The following RAD51D variants were observed in gnomAD, a reference collection of about 807,000 sequenced individuals.
RAD51D encodes DNA repair protein RAD51 homolog 4.
RAD51D carries 38 observed loss-of-function variants against 44.1 expected under a neutral mutation model. That is an observed-to-expected ratio of 0.86 (90% CI 0.67 to 1.13). The LOEUF (loss-of-function observed/expected upper bound fraction) is 1.13, where lower values mean the gene tolerates loss of function less well. RAD51D is among the 50% of genes most tolerant of loss of function. The pLI is 0.00. For synonymous variants in RAD51D, 141 were observed against 166.6 expected (o/e 0.85, Z 1.18); for missense variants, 390 against 414.0 (o/e 0.94, Z 0.50).
chr17:35,116,794 T>A (rs1043584511), intron 3 of RAD51D: 6 of 1,314,760 alleles, frequency 4.6e-6, no homozygotes, highest in African/African-American at 1.5e-5. Context: ...GCGCCCGGCC[T>A]AGAATGATGA....
In RAD51D at chr17:35,103,178, G is replaced by A; in HGVS notation, c.738+76C>T. On this transcript the variant is annotated intron_variant, in intron 8 of 9. Coordinates refer to ENST00000345365, the MANE Select transcript of RAD51D (RefSeq NM_002878.4). This position sits in a 1 kb window ranked among gnomAD's most constrained non-coding sequence, Gnocchi z 4.1. ...TCCTAAAGGGCCACTTTGGGGTTCA[G>A]AAGCTGACATTTAAGGGAAATAAAG... 1 of 1,456,116 alleles carries A rather than the reference G, an allele frequency of 6.9e-7. No individual in the cohort carries two copies. 90.2% of individuals were successfully genotyped at this position (1,456,116 alleles called of 1,614,324 possible). A position where few individuals can be genotyped will look rare whatever the true frequency, so the allele number is the denominator to read the frequency against.
intron 3 of RAD51D, chr17:35,116,841 A>G: frequency 4.0e-6 from 6 of 1,499,700 alleles, no homozygotes; most frequent in Non-Finnish European, 5.5e-6. Flanking sequence ...GTTGTGACGA[A>G]TAAATGAAAT....
At chr17:35,114,196 C>T (rs549780824) in intron 3 of RAD51D, among the ~76,000 whole-genome samples, 2 of 151,946 alleles carry the variant, frequency 1.3e-5, no homozygotes, top group African/African-American at 2.4e-5. Context: ...GGCATGAACC[C>T]GGGAGGTGGA....
intron 3 of RAD51D, among the ~76,000 whole-genome samples, chr17:35,113,174 A>G (rs1186877763): frequency 6.6e-6 from 1 of 152,136 alleles, no homozygotes; most frequent in African/African-American, 2.4e-5. Flanking sequence ...CTAGCCCTAC[A>G]ATCACCTTCC....
chr17:35,102,634 A>AG (rs150907274), intron 8 of RAD51D, among the ~76,000 whole-genome samples: 1 of 57,464 alleles, frequency 1.7e-5, no homozygotes, highest in African/African-American at 5.8e-5. Context: ...ATCTCAAAAG[A>AG]AAAAAAAAAG....
intron 3 of RAD51D, among the ~76,000 whole-genome samples, chr17:35,114,080 G>A (rs1254142383): frequency 1.3e-5 from 2 of 152,030 alleles, no homozygotes; most frequent in Admixed American, 6.6e-5. Context: ...AGACCATCCC[G>A]GCTAACACGG....
rs1290447813 is a variant in RAD51D, at chr17:35,094,511, G to A, written c.*6442C>T. 1 of 152,106 alleles carries A rather than the reference G, an allele frequency of 6.6e-6. No individual in the cohort carries two copies. Among genetic ancestry groups the A allele is most frequent in the East Asian group, 1.9e-4 (1 of 5,200 alleles). The allele number at this position is 152,106 out of a possible 1,614,324, so 9.4% of individuals were successfully genotyped here. ...TTTGTCATTCTTTTGTAACTTCCCT[G>A]GGGGAAATCAGAAAGAGCTGAGAAG... On this transcript the variant is annotated 3_prime_UTR_variant, in exon 10 of 10. Transcript: ENST00000345365.
In RAD51D at chr17:35,103,651, C is replaced by G. The variant is rs980555668; in HGVS notation, c.577-107G>C. 1.9e-5 allele frequency: 15 copies of G among 796,338 alleles called. No homozygotes were observed. The highest frequency in any genetic ancestry group is 3.2e-5 in the Non-Finnish European group (15 of 465,322). 49.3% of individuals were successfully genotyped at this position (796,338 alleles called of 1,614,324 possible). A position where few individuals can be genotyped will look rare whatever the true frequency, so the allele number is the denominator to read the frequency against. ...ACTAGTAAGAAATAGCCCCCCCATC[C>G]CAAATACAGCAAGCTGCACGGGCAT... On this transcript the variant is annotated intron_variant, in intron 6 of 9. Transcript: ENST00000345365. This position sits in a 1 kb window ranked among gnomAD's most constrained non-coding sequence, Gnocchi z 4.1.
chr17:35,095,671 A>T lies in RAD51D; in HGVS notation c.*5282T>A, dbSNP rs2091482293. The T allele has an allele frequency of 6.6e-6, 1 of 151,988 alleles. No homozygotes were observed. 9.4% of individuals were successfully genotyped at this position (151,988 alleles called of 1,614,324 possible). On this transcript the variant is annotated 3_prime_UTR_variant, in exon 10 of 10. Transcript: ENST00000345365. ...GCCGGACATAGTGGCAGGCGCCTGT[A>T]GTCGTAGTCCCAGCTACTCAGGAGG...
chr17:35,101,102 G>A (rs2142410013), intron 9 of RAD51D, 66 bp from the exon 10 acceptor site: 2 of 1,604,098 alleles, frequency 1.2e-6, no homozygotes, highest in South Asian at 2.2e-5. Flanking sequence ...TTAGTTGCAA[G>A]GTTTCAGCCT....
chr17:35,116,786 G>A lies in RAD51D; in HGVS notation c.263+1715C>T, dbSNP rs528674329. The A allele has an allele frequency of 3.4e-5, 42 of 1,224,972 alleles. No homozygotes were observed. In the Middle Eastern group the frequency reaches 1.5e-3, roughly 44 times the overall value. 75.9% of individuals were successfully genotyped at this position (1,224,972 alleles called of 1,614,324 possible). A position where few individuals can be genotyped will look rare whatever the true frequency, so the allele number is the denominator to read the frequency against. Reference sequence around the variant, plus strand: ...TGTGATCACAGGCGTGAGCCACTGCGCCCGGCCTAGAATGATGATTTAAAC... The same window carrying A: ...TGTGATCACAGGCGTGAGCCACTGCACCCGGCCTAGAATGATGATTTAAAC... On this transcript the variant is annotated intron_variant, in intron 3 of 9. Transcript: ENST00000345365.
At chr17:35,110,188 A>G (rs1195530041) in intron 3 of RAD51D, among the ~76,000 whole-genome samples, 1 of 151,904 alleles carries the variant, frequency 6.6e-6, no homozygotes, top group Non-Finnish European at 1.5e-5. Context: ...TGCCCAGGCC[A>G]GTTTTGAACT....
At chr17:35,106,888 A>G in intron 5 of RAD51D, 100 bp downstream of exon 5, 3 of 1,559,628 alleles carry the variant, frequency 1.9e-6, no homozygotes, top group Non-Finnish European at 2.6e-6. Flanking sequence ...GCAAGTTTGA[A>G]GGCAAGGAAT....
intron 3 of RAD51D, among the ~76,000 whole-genome samples, chr17:35,112,484 T>C (rs1332453123): frequency 6.6e-6 from 1 of 151,672 alleles, no homozygotes; most frequent in East Asian, 1.9e-4. Flanking sequence ...TTCAAGTGAT[T>C]CTCCCGTCTC....
chr17:35,103,168 T>C lies in RAD51D; in HGVS notation c.738+86A>G. ...TATGTCCCTTTCCTAAAGGGCCACT[T>C]TGGGGTTCAGAAGCTGACATTTAAG... On this transcript the variant is annotated intron_variant, in intron 8 of 9. Coordinates refer to ENST00000345365, the MANE Select transcript of RAD51D (RefSeq NM_002878.4). This position sits in a 1 kb window ranked among gnomAD's most constrained non-coding sequence, Gnocchi z 4.1. The C allele has an allele frequency of 7.3e-7, 1 of 1,377,298 alleles. No homozygotes were observed. Among genetic ancestry groups the C allele is most frequent in the Non-Finnish European group, 1.0e-6 (1 of 989,562 alleles). 85.3% of individuals were successfully genotyped at this position (1,377,298 alleles called of 1,614,324 possible).
Position 35,119,520 on chromosome 17 carries a change from A to G in RAD51D, c.82+12T>C. On this transcript the variant is annotated intron_variant, in intron 1 of 9. Transcript: ENST00000345365. ...GCCCGCGCGGCTCCCTGGCACGCGCACACCCGGTCACCTGTCTTGATCCTG... is the reference window on the plus strand; with the variant it reads ...GCCCGCGCGGCTCCCTGGCACGCGCGCACCCGGTCACCTGTCTTGATCCTG... The G allele has an allele frequency of 6.2e-7, 1 of 1,610,684 alleles. No homozygotes were observed. The highest frequency in any genetic ancestry group is 8.5e-7 in the Non-Finnish European group (1 of 1,179,856).
At chr17:35,115,936 G>GAAGA (rs1171936011) in intron 3 of RAD51D, among the ~76,000 whole-genome samples, 8 of 123,530 alleles carry the variant, frequency 6.5e-5, no homozygotes, top group South Asian at 2.7e-4. Context: ...AGGAAGGAAG[G>GAAGA]AAGAAAGAAA....
rs2091797279 is a variant in RAD51D at position 35,119,540 on chromosome 17, A to C, written c.74T>G (p.Ile25Ser). 1 of 1,611,982 alleles carries C rather than the reference A, an allele frequency of 6.2e-7. No homozygotes were observed. Among genetic ancestry groups the C allele is most frequent in the Admixed American group, 1.7e-5 (1 of 60,002 alleles). The change falls in exon 1 of 10, where the codon ATC (isoleucine) becomes AGC (serine). Residue 25 changes from isoleucine (I) to serine (S), a missense_variant. Physicochemically the swap from Ile to Ser is moderately radical, Grantham distance 142 (BLOSUM62 -2). Transcript: ENST00000345365. ...EMIQLLRSHR[I>S]KTVVDLVSAD... ...CGCGCACACCCGGTCACCTGTCTTG[A>C]TCCTGTGGCTCCTGAGAAGCTGGAT...
intron 3 of RAD51D, chr17:35,116,862 G>C (rs1369247351): frequency 6.5e-7 from 1 of 1,528,812 alleles, no homozygotes; most frequent in Admixed American, 1.9e-5. Flanking sequence ...AATGTACCGT[G>C]AAGTGCTGAC....
Sources: allele counts gnomAD v4.1 joint callset (sites outside exome capture counted in the v4.1 genomes callset), GRCh38; gene constraint gnomAD v4.1.1; non-coding constraint Gnocchi (gnomAD v3.1); transcripts MANE v1.5; gene names NCBI Gene and HGNC (gene_info 2026-07-23, HGNC 2026-07-21).